DCPH1: variants seen among roughly 807,000 people sequenced by gnomAD.
DCPH1 encodes damage control phosphatase 1.
the DCPH1 span, among the ~76,000 whole-genome samples, chr6:151,460,363 A>G: frequency 1.3e-5 from 2 of 151,494 alleles, no homozygotes; most frequent in African/African-American, 4.8e-5. Flanking sequence ...TCGTCCTCCC[A>G]AAGTGCTGGG....
At chr6:151,468,538 C>T in the DCPH1 span, 1 of 1,613,688 alleles carries the variant, frequency 6.2e-7, no homozygotes, top group African/African-American at 1.3e-5. Flanking sequence ...GTATATTGTT[C>T]TCGATAATTC....
At chr6:151,454,618 C>T in the DCPH1 span, 10 of 1,576,776 alleles carry the variant, frequency 6.3e-6, no homozygotes, top group Non-Finnish European at 8.7e-6. Context: ...TACATTGCAT[C>T]GACATAAAAG....
chr6:151,464,633 T>C, the DCPH1 span: 2 of 1,567,446 alleles, frequency 1.3e-6, no homozygotes, highest in Non-Finnish European at 1.7e-6. Flanking sequence ...ATGTGATCAT[T>C]AATCTTCTGA....
the DCPH1 span, among the ~76,000 whole-genome samples, chr6:151,466,738 A>G: frequency 6.6e-6 from 1 of 152,166 alleles, no homozygotes. Flanking sequence ...TAGACAATGA[A>G]GTAATTGCAC....
chr6:151,459,733 G>A, the DCPH1 span, among the ~76,000 whole-genome samples: 1 of 152,168 alleles, frequency 6.6e-6, no homozygotes, highest in Non-Finnish European at 1.5e-5. Context: ...GGAGGTTCCA[G>A]TAGCCAAGAT....
the DCPH1 span, among the ~76,000 whole-genome samples, chr6:151,467,097 A>G: frequency 6.6e-6 from 1 of 151,924 alleles, no homozygotes; most frequent in Non-Finnish European, 1.5e-5. Flanking sequence ...CTAAAAATAC[A>G]AAAAATTAGC....
the DCPH1 span, chr6:151,454,510 T>C: frequency 1.3e-5 from 12 of 959,590 alleles, 1 homozygote; most frequent in South Asian, 1.6e-4. Context: ...CTAGTATTGA[T>C]GCTGCTAAGT....
the DCPH1 span, chr6:151,452,535 C>A: frequency 1.2e-6 from 2 of 1,611,544 alleles, no homozygotes; most frequent in Non-Finnish European, 1.7e-6. Context: ...CGGCCGGGAT[C>A]GCGGAAAGTG....
the DCPH1 span, among the ~76,000 whole-genome samples, chr6:151,455,878 C>A: frequency 1.3e-5 from 2 of 152,286 alleles, no homozygotes; most frequent in Admixed American, 6.5e-5. Flanking sequence ...GTCCCTGCGG[C>A]CTTCCGGCCT....
chr6:151,466,328 C>G, the DCPH1 span, among the ~76,000 whole-genome samples: 8 of 151,762 alleles, frequency 5.3e-5, no homozygotes, highest in African/African-American at 1.9e-4. Context: ...GTTCTTGACT[C>G]CTAGCTAGCC....
At chr6:151,458,436 G>T in the DCPH1 span, 2 of 1,613,496 alleles carry the variant, frequency 1.2e-6, no homozygotes, top group South Asian at 2.2e-5. Flanking sequence ...TGTTGATACT[G>T]ATATATGGAA....
the DCPH1 span, among the ~76,000 whole-genome samples, chr6:151,456,201 A>G: frequency 6.6e-6 from 1 of 152,232 alleles, no homozygotes; most frequent in South Asian, 2.1e-4. Context: ...TGTTAGACAT[A>G]GGTCTTTAAA....
the DCPH1 span, chr6:151,469,741 G>A: frequency 4.6e-5 from 7 of 152,538 alleles, no homozygotes; most frequent in Non-Finnish European, 8.8e-5. Context: ...TGGATGTTAG[G>A]AAACTCAAAA....
chr6:151,454,516 TAA>T, the DCPH1 span: 6 of 1,033,464 alleles, frequency 5.8e-6, no homozygotes, highest in Non-Finnish European at 9.1e-6. Context: ...TTGATGCTGC[TAA>T]GTTATATATT....
At chr6:151,460,414 T>C in the DCPH1 span, among the ~76,000 whole-genome samples, 5 of 151,902 alleles carry the variant, frequency 3.3e-5, no homozygotes, top group Admixed American at 2.0e-4. Context: ...ATATATTTTT[T>C]TTTCATATCA....
chr6:151,459,405 A>G, the DCPH1 span, among the ~76,000 whole-genome samples: 1 of 152,126 alleles, frequency 6.6e-6, no homozygotes, highest in African/African-American at 2.4e-5. Flanking sequence ...AGGCTAGTTT[A>G]GAAAAAGATT....
the DCPH1 span, among the ~76,000 whole-genome samples, chr6:151,459,138 A>C: frequency 6.6e-6 from 1 of 152,226 alleles, no homozygotes; most frequent in African/African-American, 2.4e-5. Context: ...CTCTGTCTCA[A>C]TAAAATAGAT....
the DCPH1 span, chr6:151,469,332 C>G: frequency 2.5e-6 from 1 of 396,318 alleles, no homozygotes; most frequent in East Asian, 3.8e-5. Context: ...AAGATATTTA[C>G]ATTTATATTG....
At chr6:151,466,340 A>G in the DCPH1 span, among the ~76,000 whole-genome samples, 1 of 151,872 alleles carries the variant, frequency 6.6e-6, no homozygotes, top group Non-Finnish European at 1.5e-5. Flanking sequence ...TAGCTAGCCC[A>G]TTCTTTCAGG....
Sources: gnomAD v4.1 joint callset for allele counts (sites outside exome capture counted in the v4.1 genomes callset) on GRCh38, gnomAD v4.1.1 for gene constraint, MANE v1.5 for transcripts, NCBI Gene and HGNC (gene_info 2026-07-23, HGNC 2026-07-21) for gene names.